The following LAMA2 variants were observed in gnomAD, a reference collection of about 807,000 sequenced individuals.
LAMA2 encodes the protein laminin subunit alpha-2.
LAMA2 carries 269 observed loss-of-function variants against 364.8 expected under a neutral mutation model. That is an observed-to-expected ratio of 0.74 (90% CI 0.67 to 0.82). LAMA2 has a LOEUF of 0.82. Among genes scored for constraint, LAMA2 ranks in the 40% least tolerant of loss-of-function variants. LAMA2 has a pLI of 0.00. For missense variants in LAMA2, 3,807 were observed against 3,873.2 expected, an observed-to-expected ratio of 0.98 and a Z score of 0.45; for synonymous variants, 1,379 against 1,370.6, an observed-to-expected ratio of 1.01 and a Z score of -0.14.
chr6:129,499,869 C>A (rs1242597892), intron 58 of LAMA2, among the ~76,000 whole-genome samples: 1 of 152,074 alleles, frequency 6.6e-6, no homozygotes, highest in Admixed American at 6.5e-5. Flanking sequence ...CAGCATGCAA[C>A]AACATGCCCA....
At chr6:129,490,482 G>A (rs1278327285) in intron 56 of LAMA2, among the ~76,000 whole-genome samples, 1 of 152,158 alleles carries the variant, frequency 6.6e-6, no homozygotes, top group East Asian at 1.9e-4. Flanking sequence ...AAAGAGGAAG[G>A]CCTCTAGCTT....
Position 129,011,250 on chromosome 6 carries a change from CT to C in LAMA2, c.113-38667del, listed in dbSNP as rs553172338. Among the ~76,000 whole-genome samples the C allele has an allele frequency of 5.9e-5, 9 of 152,314 alleles. No homozygotes were observed. In the South Asian group the frequency reaches 1.9e-3, roughly 32 times the overall value. On this transcript the variant is annotated intron_variant, in intron 1 of 64. Transcript: ENST00000421865. ...GCTCTGTCACTAATAGAGCTTTCAGCTACTAAGACACACAGGAGTCCTTTCT... is the reference window on the plus strand; with the variant it reads ...GCTCTGTCACTAATAGAGCTTTCAGCACTAAGACACACAGGAGTCCTTTCT...
intron 3 of LAMA2, among the ~76,000 whole-genome samples, chr6:129,064,289 C>A (rs1390728551): frequency 6.7e-6 from 1 of 149,034 alleles, no homozygotes; most frequent in South Asian, 2.1e-4. Context: ...AGAAGAAAGG[C>A]TATAGTAATA....
At chr6:129,462,889 A>C (rs1256467441) in intron 49 of LAMA2, among the ~76,000 whole-genome samples, 3 of 152,028 alleles carry the variant, frequency 2.0e-5, no homozygotes, top group Admixed American at 6.6e-5. Flanking sequence ...AGACTAAGAA[A>C]ATGTCATAAA....
intron 10 of LAMA2, among the ~76,000 whole-genome samples, chr6:129,185,849 G>T (rs576273852): frequency 6.6e-6 from 1 of 151,738 alleles, no homozygotes; most frequent in Non-Finnish European, 1.5e-5. Flanking sequence ...TAATGTAATT[G>T]ATTAGAATAA....
chr6:129,200,124 G>GTGTA (rs1554241231), intron 12 of LAMA2, among the ~76,000 whole-genome samples: 4 of 105,984 alleles, frequency 3.8e-5, no homozygotes, highest in African/African-American at 8.1e-5. Flanking sequence ...ATATATATGT[G>GTGTA]TATATATATA....
chr6:129,097,256 C>T (rs1234944960), intron 3 of LAMA2, among the ~76,000 whole-genome samples: 1 of 152,222 alleles, frequency 6.6e-6, no homozygotes, highest in African/African-American at 2.4e-5. Context: ...GTAATTTAAA[C>T]TAATTCATAT....
rs149848242 is a variant in LAMA2, at chr6:129,317,128, G to A, written c.4058+957G>A. The stretch of plus-strand genomic sequence containing the variant: ...TCATGGTCATATTCTTTGAGTAGAC[G>A]GTTCACCTTATCCAATGGGATAAAA... On this transcript the variant is annotated intron_variant, in intron 27 of 64. Coordinates refer to ENST00000421865, the MANE Select transcript of LAMA2 (RefSeq NM_000426.4). Among the ~76,000 whole-genome samples, 354 of 152,108 alleles carry A rather than the reference G, an allele frequency of 2.3e-3. 1 individual carries two copies. The highest frequency in any genetic ancestry group is 8.0e-3 in the African/African-American group (332 of 41,496).
chr6:129,206,150 A>T (rs527995217), intron 12 of LAMA2, among the ~76,000 whole-genome samples: 1 of 128,960 alleles, frequency 7.8e-6, no homozygotes, highest in African/African-American at 3.7e-5. Flanking sequence ...GGAAGGAAGG[A>T]AGGAAGGAAG....
intron 8 of LAMA2, chr6:129,158,594 G>C (rs1389427992): frequency 4.3e-6 from 7 of 1,613,934 alleles, no homozygotes; most frequent in Non-Finnish European, 5.1e-6. Flanking sequence ...AATAATGTTT[G>C]TAACAAAAGC....
At chr6:129,022,491 C>A (rs987445992) in intron 1 of LAMA2, among the ~76,000 whole-genome samples, 1 of 152,112 alleles carries the variant, frequency 6.6e-6, no homozygotes, top group Non-Finnish European at 1.5e-5. Context: ...TTCTCAGTTG[C>A]AAAATTTTCT....
At chr6:129,291,532 A>G (rs1409796832) in intron 19 of LAMA2, 82 bp from the exon 20 acceptor site, 6 of 948,832 alleles carry the variant, frequency 6.3e-6, no homozygotes, top group Admixed American at 3.9e-5. Context: ...CCATGTTACC[A>G]TGTGGGGTAT....
At chr6:129,112,425 C>T (rs1776212309) in intron 4 of LAMA2, among the ~76,000 whole-genome samples, 1 of 151,914 alleles carries the variant, frequency 6.6e-6, no homozygotes, top group Non-Finnish European at 1.5e-5. Context: ...TTAATCACTA[C>T]TAAGCAAATG....
chr6:129,455,219 G>A (rs1782890666), intron 47 of LAMA2, among the ~76,000 whole-genome samples: 1 of 151,684 alleles, frequency 6.6e-6, no homozygotes, highest in Non-Finnish European at 1.5e-5. Context: ...GTCCAGCCTG[G>A]GCAACATAGC....
chr6:129,265,668 G>A (rs577918963), intron 15 of LAMA2, among the ~76,000 whole-genome samples: 14 of 150,034 alleles, frequency 9.3e-5, no homozygotes, highest in African/African-American at 3.2e-4. Flanking sequence ...TGAAAAATGA[G>A]AACACATGGA....
intron 29 of LAMA2, among the ~76,000 whole-genome samples, chr6:129,333,162 G>A (rs1165471373): frequency 6.6e-6 from 1 of 151,942 alleles, no homozygotes; most frequent in Admixed American, 6.6e-5. Context: ...AAAGTTCAGG[G>A]ATTACAGGCA....
intron 1 of LAMA2, among the ~76,000 whole-genome samples, chr6:128,924,267 A>C (rs73773562): frequency 0.01 from 1,535 of 152,190 alleles, 30 homozygotes; most frequent in African/African-American, 0.035. Flanking sequence ...CTATTACCCA[A>C]GTCTTTCCAT....
At chr6:129,496,332 A>C (rs1406714895) in intron 58 of LAMA2, among the ~76,000 whole-genome samples, 1 of 151,812 alleles carries the variant, frequency 6.6e-6, no homozygotes, top group South Asian at 2.1e-4. Flanking sequence ...ACTCTTGGCT[A>C]ATTTTGTATT....
At chr6:129,096,080 C>CT (rs1375366786) in intron 3 of LAMA2, among the ~76,000 whole-genome samples, 3 of 152,314 alleles carry the variant, frequency 2.0e-5, no homozygotes, top group East Asian at 3.9e-4. Context: ...AGAGACAACT[C>CT]TATCTGTGCA....
Sources: allele counts gnomAD v4.1 joint callset (sites outside exome capture counted in the v4.1 genomes callset), GRCh38; gene constraint gnomAD v4.1.1; transcripts MANE v1.5; gene names NCBI Gene and HGNC (gene_info 2026-07-23, HGNC 2026-07-21).